The following RFXANK variants were observed in gnomAD, a reference collection of about 807,000 sequenced individuals.
RFXANK encodes the protein regulatory factor X associated ankyrin containing protein.
Under a neutral mutation model 34.5 loss-of-function variants are expected in RFXANK, and 19 were observed. That is an observed-to-expected ratio of 0.55 (90% CI 0.38 to 0.81). The LOEUF is 0.81. RFXANK is among the 30% of genes least tolerant of loss of function. The pLI, the probability that RFXANK is intolerant of heterozygous loss-of-function variation, is 0.00. For synonymous variants in RFXANK, 154 were observed against 149.8 expected (o/e 1.03, Z -0.20); for missense variants, 295 against 343.5 (o/e 0.86, Z 1.12).
At position 19,198,219 on chromosome 19, in the gene RFXANK, A is replaced by G. The variant is rs140946419; in HGVS notation, c.551A>G (p.Asn184Ser). 1.2e-6 allele frequency: 2 copies of G among 1,614,152 alleles called. No homozygotes were observed. The highest frequency in any genetic ancestry group is 1.3e-5 in the African/African-American group (1 of 75,044). ...GLLLERDVDINIYDWNGGTPL... is the reference protein window; with the variant it reads ...GLLLERDVDISIYDWNGGTPL... ...CTGCTGGAGCGTGACGTGGACATCA[A>G]CATCTATGATTGGGTGAGGGACTGC... The change falls in exon 7 of 10, where the codon AAC becomes AGC. Residue 184 changes from asparagine (N) to serine (S), a missense_variant. Coordinates refer to ENST00000303088, the MANE Select transcript of RFXANK (RefSeq NM_003721.4).
At chr19:19,196,676 C>T (rs1238319818) in intron 3 of RFXANK, among the ~76,000 whole-genome samples, 1 of 151,888 alleles carries the variant, frequency 6.6e-6, no homozygotes, top group Non-Finnish European at 1.5e-5. Flanking sequence ...ATTAGCCTGG[C>T]CAACATAGCG....
At chr19:19,197,119 CAG>C in intron 4 of RFXANK, 65 bp from the exon 5 acceptor site, 2 of 1,611,398 alleles carry the variant, frequency 1.2e-6, no homozygotes, top group Non-Finnish European at 1.7e-6. Flanking sequence ...CAATCGTGGA[CAG>C]AGGGTAAACT....
chr19:19,201,854 C>T lies in RFXANK; in HGVS notation c.*135C>T. The T allele has an allele frequency of 2.5e-6, 4 of 1,612,074 alleles. No homozygotes were observed. The highest frequency in any genetic ancestry group is 3.4e-6 in the Non-Finnish European group (4 of 1,178,960). ...CCCTTCCCAAGAGGAACCAATAAAC[C>T]TTCTGTGCAGAATGAGGGACTTTGC... On this transcript the variant is annotated 3_prime_UTR_variant, in exon 10 of 10. Coordinates refer to ENST00000303088, the MANE Select transcript of RFXANK (RefSeq NM_003721.4).
At chr19:19,197,658 C>G in intron 6 of RFXANK, 37 bp downstream of exon 6, 2 of 1,592,012 alleles carry the variant, frequency 1.3e-6, no homozygotes, top group South Asian at 1.1e-5. Context: ...GGGGGGTTCC[C>G]GGGGGCCTTA....
chr19:19,194,821 CTT>C (rs2060569374), intron 3 of RFXANK, among the ~76,000 whole-genome samples: 1 of 151,840 alleles, frequency 6.6e-6, no homozygotes, highest in African/African-American at 2.4e-5. Context: ...GTTTTTAACT[CTT>C]TGAGGGTAGA....
At position 19,194,184 on chromosome 19, in the gene RFXANK, T is replaced by A. The variant is rs1217352749; in HGVS notation, c.187+51T>A. Reference sequence around the variant, plus strand: ...CCTCTGGGATTCCATGATGATGGAATGTCAGGCCTCACATGGAACCTGTGT... The same window carrying A: ...CCTCTGGGATTCCATGATGATGGAAAGTCAGGCCTCACATGGAACCTGTGT... On this transcript the variant is annotated intron_variant, in intron 3 of 9. Coordinates refer to ENST00000303088, the MANE Select transcript of RFXANK (RefSeq NM_003721.4). 3 of 1,566,654 alleles carry A rather than the reference T, an allele frequency of 1.9e-6. No homozygotes were observed. In the Admixed American group the frequency reaches 5.0e-5, roughly 26 times the overall value.
Position 19,198,684 on chromosome 19 carries a change from G to A in RFXANK, c.592G>A (p.Val198Met). The change falls in exon 8 of 10, where the codon GTG becomes ATG. Residue 198 changes from valine to methionine, a missense_variant. Transcript: ENST00000303088. ...TGGAGGGACGCCACTGCTGTACGCTGTGCGCGGGAACCACGTGAAATGCGT... is the reference window on the plus strand; with the variant it reads ...TGGAGGGACGCCACTGCTGTACGCTATGCGCGGGAACCACGTGAAATGCGT... ...WNGGTPLLYAVRGNHVKCVEA... is the reference protein window; with the variant it reads ...WNGGTPLLYAMRGNHVKCVEA... 1 of 1,613,912 alleles carries A rather than the reference G, an allele frequency of 6.2e-7. No individual in the cohort carries two copies. Among genetic ancestry groups the A allele is most frequent in the Non-Finnish European group, 8.5e-7 (1 of 1,180,052 alleles).
At position 19,198,898 on chromosome 19, in the gene RFXANK, A is replaced by G. The variant is rs77956865; in HGVS notation, c.631+175A>G. 7.5e-3 allele frequency: 5,877 copies of G among 780,308 alleles called. 264 individuals are homozygous for G. In the East Asian group the frequency reaches 0.11, roughly 15 times the overall value. 48.3% of individuals were successfully genotyped at this position (780,308 alleles called of 1,614,324 possible). On this transcript the variant is annotated intron_variant, in intron 8 of 9. Coordinates refer to ENST00000303088, the MANE Select transcript of RFXANK (RefSeq NM_003721.4). ...GGAGGAGGTGGTAGGACCACACGGG[A>G]GTCGGGGTCTGGGTTTAGGATCTGG...
Position 19,201,747 on chromosome 19 carries a change from CAG to C in RFXANK, c.*29_*30del. 6.2e-7 allele frequency: 1 copy of C among 1,613,754 alleles called. No homozygotes were observed. Among genetic ancestry groups the C allele is most frequent in the Admixed American group, 1.7e-5 (1 of 60,026 alleles). ...GCCGCCTGCCGGGGACTCAGACACTCAGGGAACAAAATGGTCAGCCAGAGCTG... is the reference window on the plus strand; with the variant it reads ...GCCGCCTGCCGGGGACTCAGACACTCGGAACAAAATGGTCAGCCAGAGCTG... On this transcript the variant is annotated 3_prime_UTR_variant, in exon 10 of 10. Transcript: ENST00000303088.
At chr19:19,197,994 A>G in intron 6 of RFXANK, 113 bp from the exon 7 acceptor site, 1 of 1,439,552 alleles carries the variant, frequency 6.9e-7, no homozygotes, top group Non-Finnish European at 9.6e-7. Flanking sequence ...CCTGGGCAAC[A>G]GAGCAAGACT....
intron 3 of RFXANK, among the ~76,000 whole-genome samples, chr19:19,195,205 G>GT (rs200720955): frequency 0.063 from 7,389 of 117,804 alleles, 426 homozygotes; most frequent in African/African-American, 0.13. Flanking sequence ...ACTACAGTCC[G>GT]TTTTTTTTTT....
rs897078215 is a variant in RFXANK at position 19,198,049 on chromosome 19, C to A, written c.439-58C>A. The A allele has an allele frequency of 1.9e-6, 3 of 1,607,980 alleles. No homozygotes were observed. The African/African-American group carries it at 4.0e-5, about 22-fold the overall frequency. ...AAAAGATGCGGCTGCTGTGGGTACC[C>A]CAGGATTCCTGGTTATGCCCCAATC... On this transcript the variant is annotated intron_variant, in intron 6 of 9. Transcript: ENST00000303088.
chr19:19,193,879 C>T (rs1232421484), intron 2 of RFXANK, 60 bp from the exon 3 acceptor site: 1 of 1,583,344 alleles, frequency 6.3e-7, no homozygotes, highest in Non-Finnish European at 8.7e-7. Flanking sequence ...CAGTCGGTGC[C>T]TACTTTATTA....
intron 2 of RFXANK, 66 bp from the exon 3 acceptor site, chr19:19,193,873 C>G (rs1599773572): frequency 6.4e-7 from 1 of 1,554,286 alleles, no homozygotes; most frequent in Admixed American, 1.7e-5. Context: ...GGTATGCAGT[C>G]GGTGCCTACT....
In RFXANK at chr19:19,192,482, C is replaced by A. The variant is rs561131136; in HGVS notation, c.-222C>A. Reference sequence around the variant, plus strand: ...GGCCGCAAAAACTCCCTTCTTTAGCCCTCTGCCCCCGCCCTTGCTTATAAG... The same window carrying A: ...GGCCGCAAAAACTCCCTTCTTTAGCACTCTGCCCCCGCCCTTGCTTATAAG... On this transcript the variant is annotated 5_prime_UTR_variant, in exon 1 of 10. Transcript: ENST00000303088. 22 of 337,438 alleles carry A rather than the reference C, an allele frequency of 6.5e-5. 1 individual carries two copies. In the South Asian group the frequency reaches 7.8e-4, roughly 12 times the overall value. 20.9% of individuals were successfully genotyped at this position (337,438 alleles called of 1,614,324 possible). A position where few individuals can be genotyped will look rare whatever the true frequency, so the allele number is the denominator to read the frequency against.
At chr19:19,201,581 G>A (rs2060718555) in intron 9 of RFXANK, 68 bp from the exon 10 acceptor site, 1 of 1,611,626 alleles carries the variant, frequency 6.2e-7, no homozygotes, top group African/African-American at 1.3e-5. Context: ...GAGAGCGCAG[G>A]TTGGCCTGTG....
intron 3 of RFXANK, among the ~76,000 whole-genome samples, chr19:19,195,598 C>G (rs1363854683): frequency 6.6e-6 from 1 of 151,730 alleles, no homozygotes; most frequent in Non-Finnish European, 1.5e-5. Flanking sequence ...GCCACCGCGC[C>G]CAGTCCCTGT....
intron 6 of RFXANK, 105 bp downstream of exon 6, chr19:19,197,726 T>C (rs923207850): frequency 8.5e-6 from 9 of 1,054,372 alleles, no homozygotes; most frequent in African/African-American, 7.8e-5. Context: ...ATGCGGCTGC[T>C]GGCTGGGTGC....
chr19:19,196,925 T>C (rs2060608740), intron 3 of RFXANK, 38 bp from the exon 4 acceptor site: 1 of 1,554,252 alleles, frequency 6.4e-7, no homozygotes, highest in Non-Finnish European at 8.8e-7. Flanking sequence ...CAGAGACATC[T>C]ACTGAGGGGA....
Sources: gnomAD v4.1 joint callset for allele counts (sites outside exome capture counted in the v4.1 genomes callset) on GRCh38, gnomAD v4.1.1 for gene constraint, MANE v1.5 for transcripts, NCBI Gene and HGNC (gene_info 2026-07-23, HGNC 2026-07-21) for gene names.